BRINP3: variants seen among roughly 807,000 people sequenced by gnomAD.
The protein encoded by BRINP3 is BMP/retinoic acid-inducible neural-specific protein 3.
In BRINP3, 19 loss-of-function variants were observed where a neutral mutation model predicts 71.0. The observed-to-expected ratio is 0.27, with a 90% CI of 0.19 to 0.39. BRINP3 has a LOEUF of 0.39. Ranked by LOEUF, BRINP3 falls within the 10% of genes least tolerant of loss-of-function variation. BRINP3 has a pLI of 1.00. For synonymous variants in BRINP3, 380 were observed against 337.7 expected, an observed-to-expected ratio of 1.13 and a Z score of -1.37; for missense variants, 959 against 940.8, an observed-to-expected ratio of 1.02 and a Z score of -0.25.
At chr1:190,128,852 C>A (rs1173691095) in intron 7 of BRINP3, among the ~76,000 whole-genome samples, 1 of 151,638 alleles carries the variant, frequency 6.6e-6, no homozygotes, top group East Asian at 1.9e-4. Flanking sequence ...TTTGAAAATT[C>A]TTCCTGACTC....
intron 7 of BRINP3, among the ~76,000 whole-genome samples, chr1:190,122,072 T>C (rs1246967208): frequency 6.6e-6 from 1 of 152,156 alleles, no homozygotes; most frequent in Middle Eastern, 3.2e-3. Flanking sequence ...TGATTCCAAC[T>C]GCCTGTGAGA....
chr1:190,347,419 C>T (rs536436170), intron 2 of BRINP3, among the ~76,000 whole-genome samples: 6 of 152,256 alleles, frequency 3.9e-5, no homozygotes, highest in African/African-American at 1.4e-4. Context: ...GGATTACAGG[C>T]ATGAGCCACC....
chr1:190,317,527 G>T (rs1236138483), intron 2 of BRINP3, among the ~76,000 whole-genome samples: 1 of 151,940 alleles, frequency 6.6e-6, no homozygotes, highest in East Asian at 1.9e-4. Flanking sequence ...TGCACATTAT[G>T]CTTGAGACCC....
intron 2 of BRINP3, among the ~76,000 whole-genome samples, chr1:190,367,481 C>T (rs535832996): frequency 6.6e-6 from 1 of 152,202 alleles, no homozygotes; most frequent in Non-Finnish European, 1.5e-5. Context: ...CTCTGACATG[C>T]CCTGGGGACA....
chr1:190,470,848 G>T (rs1033895029), intron 1 of BRINP3, among the ~76,000 whole-genome samples: 1 of 151,084 alleles, frequency 6.6e-6, no homozygotes, highest in Non-Finnish European at 1.5e-5. Context: ...TTTGGGAAAA[G>T]ATATTGATTA....
chr1:190,361,732 G>A (rs898879592), intron 2 of BRINP3, among the ~76,000 whole-genome samples: 2 of 152,034 alleles, frequency 1.3e-5, no homozygotes, highest in African/African-American at 4.8e-5. Context: ...ATAATATTCT[G>A]AATACAGTCA....
chr1:190,271,483 C>T (rs896812347), intron 3 of BRINP3, among the ~76,000 whole-genome samples: 1 of 151,504 alleles, frequency 6.6e-6, no homozygotes, highest in African/African-American at 2.4e-5. Flanking sequence ...TTATTATTCT[C>T]TTTTATTCAC....
At chr1:190,210,790 G>T (rs924413743) in intron 6 of BRINP3, among the ~76,000 whole-genome samples, 1 of 152,084 alleles carries the variant, frequency 6.6e-6, no homozygotes, top group Admixed American at 6.6e-5. Flanking sequence ...TATCATTTGA[G>T]TCAGCGGACT....
chr1:190,475,326 C>T (rs965096611), intron 1 of BRINP3, among the ~76,000 whole-genome samples: 2 of 152,156 alleles, frequency 1.3e-5, no homozygotes, highest in Non-Finnish European at 2.9e-5. Context: ...TAAGAGACTC[C>T]AGAGATCTTA....
At chr1:190,407,326 G>A (rs1309875753) in intron 2 of BRINP3, among the ~76,000 whole-genome samples, 1 of 152,104 alleles carries the variant, frequency 6.6e-6, no homozygotes, top group East Asian at 1.9e-4. Context: ...ATATAAGTCT[G>A]GGGGGAGCAG....
At position 190,450,930 on chromosome 1, in the gene BRINP3, C is replaced by T. The variant is rs573389384; in HGVS notation, c.236+3725G>A. On this transcript the variant is annotated intron_variant, in intron 2 of 7. Coordinates refer to ENST00000367462, the MANE Select transcript of BRINP3 (RefSeq NM_199051.3). The stretch of plus-strand genomic sequence containing the variant: ...TTTAACTCTTTTTAGACCATCTTGT[C>T]TTTCCTTAGTCATTTTTTAAATATA... 9.7e-4 allele frequency among the ~76,000 whole-genome samples: 148 copies of T among 152,166 alleles called. 1 individual carries two copies. Among genetic ancestry groups the T allele is most frequent in the Non-Finnish European group, 3.4e-4 (23 of 67,980 alleles).
chr1:190,467,340 A>G (rs973567826), intron 1 of BRINP3, among the ~76,000 whole-genome samples: 1 of 151,614 alleles, frequency 6.6e-6, no homozygotes, highest in Non-Finnish European at 1.5e-5. Flanking sequence ...CACATAATTC[A>G]TCATACATCT....
At chr1:190,371,533 G>T (rs966940102) in intron 2 of BRINP3, among the ~76,000 whole-genome samples, 1 of 152,048 alleles carries the variant, frequency 6.6e-6, no homozygotes, top group Non-Finnish European at 1.5e-5. Context: ...ATTGGCCACT[G>T]CTTCTGTTTT....
At chr1:190,286,095 T>A (rs1663405375) in intron 2 of BRINP3, among the ~76,000 whole-genome samples, 1 of 152,148 alleles carries the variant, frequency 6.6e-6, no homozygotes, top group Non-Finnish European at 1.5e-5. Context: ...ATATGGGCTG[T>A]AACCAGTTTA....
intron 6 of BRINP3, among the ~76,000 whole-genome samples, chr1:190,210,272 G>A (rs889232555): frequency 6.6e-6 from 1 of 152,020 alleles, no homozygotes. Context: ...AGAGTATCAA[G>A]TAAAAATTCT....
chr1:190,342,567 C>A (rs1667736200), intron 2 of BRINP3: 1 of 147,946 alleles, frequency 6.8e-6, no homozygotes, highest in African/African-American at 2.5e-5. Flanking sequence ...ATATATATTT[C>A]CAAGTAAGAT....
chr1:190,352,101 T>A (rs1463950261), intron 2 of BRINP3, among the ~76,000 whole-genome samples: 1 of 151,894 alleles, frequency 6.6e-6, no homozygotes, highest in African/African-American at 2.4e-5. Context: ...TTCAGGACAA[T>A]GTATCAGACT....
intron 2 of BRINP3, among the ~76,000 whole-genome samples, chr1:190,354,953 A>C (rs1668636848): frequency 1.3e-5 from 2 of 151,734 alleles, no homozygotes; most frequent in Non-Finnish European, 2.9e-5. Flanking sequence ...GGCTCCATAT[A>C]TTTGGATATC....
intron 3 of BRINP3, among the ~76,000 whole-genome samples, chr1:190,269,639 A>G (rs1287452671): frequency 6.6e-6 from 1 of 152,066 alleles, no homozygotes; most frequent in East Asian, 1.9e-4. Flanking sequence ...TAGCCCACAT[A>G]GATTTGAAAA....
Sources: allele counts gnomAD v4.1 joint callset (sites outside exome capture counted in the v4.1 genomes callset), GRCh38; gene constraint gnomAD v4.1.1; transcripts MANE v1.5; gene names NCBI Gene and HGNC (gene_info 2026-07-23, HGNC 2026-07-21).